The following WSCD1 variants were observed in gnomAD, a reference collection of about 807,000 sequenced individuals.
WSCD1 encodes the protein sialate:O-sulfotransferase 1.
Under a neutral mutation model 60.4 loss-of-function variants are expected in WSCD1, and 41 were observed. That is an observed-to-expected ratio of 0.68 (90% confidence interval 0.53 to 0.88). WSCD1 has a LOEUF of 0.88. Among genes scored for constraint, WSCD1 ranks in the 40% least tolerant of loss-of-function variants. The probability of loss-of-function intolerance (pLI) is 0.00; values close to 1 mark genes in which losing one functional copy is unlikely to be tolerated. For synonymous variants in WSCD1, 361 were observed against 332.5 expected, an observed-to-expected ratio of 1.09 and a Z score of -0.93; for missense variants, 784 against 796.2, an observed-to-expected ratio of 0.98 and a Z score of 0.18.
At chr17:6,099,274 T>C (rs1456267101) in intron 5 of WSCD1, among the ~76,000 whole-genome samples, 1 of 152,040 alleles carries the variant, frequency 6.6e-6, no homozygotes, top group African/African-American at 2.4e-5. Flanking sequence ...CCCTGCACTT[T>C]GGGAGGCTGA....
intron 1 of WSCD1, among the ~76,000 whole-genome samples, chr17:6,074,154 A>C (rs1009247498): frequency 1.3e-5 from 2 of 152,098 alleles, no homozygotes; most frequent in Non-Finnish European, 2.9e-5. Context: ...TGGAGTTTTG[A>C]CCTATTATGT....
chr17:6,096,977 T>C (rs1043930495), intron 5 of WSCD1, among the ~76,000 whole-genome samples: 2 of 152,182 alleles, frequency 1.3e-5, no homozygotes, highest in African/African-American at 2.4e-5. Context: ...TAGCTCCCAA[T>C]GGGGGATACT....
intron 4 of WSCD1, among the ~76,000 whole-genome samples, chr17:6,091,997 A>T (rs991461723): frequency 3.6e-4 from 54 of 152,110 alleles, no homozygotes; most frequent in African/African-American, 1.1e-3. Flanking sequence ...TCTACTAAAA[A>T]TACAAAATTT....
rs1909964674 is a variant in WSCD1 at position 6,090,513 on chromosome 17, T to TGCCA, written c.727+12_727+15dup. On this transcript the variant is annotated intron_variant, in intron 4 of 8. Coordinates refer to ENST00000317744, the MANE Select transcript of WSCD1 (RefSeq NM_015253.2). ...AGCCGGGCTCCAGGAAGCGTGAGTG[T>TGCCA]GCCAGCCTCTTCCTGAGCTTTGTCC... 1.2e-6 allele frequency: 2 copies of TGCCA among 1,611,848 alleles called. No individual in the cohort carries two copies. Among genetic ancestry groups the TGCCA allele is most frequent in the East Asian group, 4.5e-5 (2 of 44,696 alleles).
rs747930607 is a variant in WSCD1, at chr17:6,080,961, G to T, written c.303G>T (p.Trp101Cys). 2.6e-6 allele frequency: 4 copies of T among 1,556,532 alleles called. No individual in the cohort carries two copies. Among genetic ancestry groups the T allele is most frequent in the South Asian group, 1.2e-5 (1 of 85,084 alleles). ...CCCGGCCCCGGCCCGGCCCCCGCTG[G>T]CTCCGGAGCCGCAACTCGGAGCTGC... ...PLTRPRPGPR[W>C]LRSRNSELRQ... is the part of the protein sequence containing the mutation. Residue 101 changes from tryptophan to cysteine, a missense_variant, in exon 2 of 9, where the codon TGG (tryptophan) becomes TGT (cysteine). Coordinates refer to ENST00000317744, the MANE Select transcript of WSCD1 (RefSeq NM_015253.2). This position sits in a 1 kb window ranked among gnomAD's most constrained non-coding sequence, Gnocchi z 6.6.
At chr17:6,092,510 C>T (rs148176612) in intron 4 of WSCD1, among the ~76,000 whole-genome samples, 534 of 152,242 alleles carry the variant, frequency 3.5e-3, no homozygotes, top group African/African-American at 0.012. Flanking sequence ...AGTGTCTCAC[C>T]GACACCTACT....
In WSCD1 at chr17:6,120,558, C is replaced by A. The variant is rs1200609689; in HGVS notation, c.1625C>A (p.Thr542Asn). 2 of 1,613,806 alleles carry A rather than the reference C, an allele frequency of 1.2e-6. No homozygotes were observed. Among genetic ancestry groups the A allele is most frequent in the South Asian group, 2.2e-5 (2 of 91,086 alleles). ...GRRSHDPEPF[T>N]PEMKDLINGY... ...CGCTCCCACGACCCTGAGCCCTTCA[C>A]CCCGGAGATGAAAGACTTGATCAAT... Residue 542 changes from threonine (T) to asparagine (N), a missense_variant, in exon 9 of 9, where the codon ACC becomes AAC. Coordinates refer to ENST00000317744, the MANE Select transcript of WSCD1 (RefSeq NM_015253.2).
intron 7 of WSCD1, among the ~76,000 whole-genome samples, chr17:6,116,175 C>T (rs930511202): frequency 6.6e-6 from 1 of 152,176 alleles, no homozygotes; most frequent in Non-Finnish European, 1.5e-5. Flanking sequence ...ACCCACTGTG[C>T]CCAGGCTGCA....
At chr17:6,108,152 A>T (rs1428692974) in intron 5 of WSCD1, among the ~76,000 whole-genome samples, 2 of 152,196 alleles carry the variant, frequency 1.3e-5, no homozygotes, top group Non-Finnish European at 2.9e-5. Context: ...CCAATGCCCC[A>T]GGCCCTGCGT....
rs1909250906 is a variant in WSCD1 at position 6,081,205 on chromosome 17, TCTG to T, written c.427+123_427+125del. The T allele has an allele frequency of 1.2e-5, 15 of 1,243,514 alleles. No individual in the cohort carries two copies. The South Asian group carries it at 2.4e-4, about 20-fold the overall frequency. The allele number at this position is 1,243,514 out of a possible 1,614,324, so 77.0% of individuals were successfully genotyped here. A position where few individuals can be genotyped will look rare whatever the true frequency, so the allele number is the denominator to read the frequency against. The stretch of plus-strand genomic sequence containing the variant: ...CTTCACCGCTAGATGGTTCTTTCCT[TCTG>T]CTCTGCAGGACAGGAAGGGGCCTGC... On this transcript the variant is annotated intron_variant, in intron 2 of 8. Transcript: ENST00000317744.
At chr17:6,117,906 C>A in intron 7 of WSCD1, 82 bp from the exon 8 acceptor site, 2 of 1,458,062 alleles carry the variant, frequency 1.4e-6, no homozygotes, top group Admixed American at 1.7e-5. Context: ...CTGATGCCAG[C>A]TTTACCCAAT....
rs1274247394 is a variant in WSCD1, at chr17:6,095,106, G to A, written c.732G>A (p.Arg244=). Residue 244 remains arginine, a synonymous_variant, in exon 5 of 9, where the codon CGG becomes CGA. Coordinates refer to ENST00000317744, the MANE Select transcript of WSCD1 (RefSeq NM_015253.2). The part of the protein sequence containing the change: ...DELQPGSRKR[R]TATYRGCFRL... ...AACCCCTCTCTTTTCCCCCAGGGCG[G>A]ACCGCCACCTACCGCGGATGCTTCC... is the stretch of plus-strand genomic sequence containing the variant. The A allele has an allele frequency of 3.7e-6, 6 of 1,610,646 alleles. No homozygotes were observed. The highest frequency in any genetic ancestry group is 5.1e-6 in the Non-Finnish European group (6 of 1,178,516).
chr17:6,069,578 TATG>T (rs1473651045), upstream of WSCD1, among the ~76,000 whole-genome samples: 3 of 152,034 alleles, frequency 2.0e-5, no homozygotes, highest in Non-Finnish European at 2.9e-5. Context: ...TGTGGAGCAG[TATG>T]ATAAGCCGGC....
At chr17:6,095,509 A>G (rs1042213325) in intron 5 of WSCD1, among the ~76,000 whole-genome samples, 1 of 152,226 alleles carries the variant, frequency 6.6e-6, no homozygotes, top group Non-Finnish European at 1.5e-5. Context: ...CAAGTGTCAG[A>G]TGTTAAATTG....
chr17:6,069,433 GAGA>G (rs1908389518), upstream of WSCD1: 62 of 92,050 alleles, frequency 6.7e-4, no homozygotes, highest in African/African-American at 4.2e-3. Flanking sequence ...GTGTGTGAGA[GAGA>G]GAGAGAGAGA....
chr17:6,084,259 G>T (rs1412446260), intron 2 of WSCD1, among the ~76,000 whole-genome samples: 1 of 152,226 alleles, frequency 6.6e-6, no homozygotes, highest in African/African-American at 2.4e-5. Flanking sequence ...GCTCTCCTTT[G>T]AACAGCAAAA....
At position 6,111,014 on chromosome 17, in the gene WSCD1, G is replaced by A. The variant is rs1677472520; in HGVS notation, c.1174+79G>A. 2.0e-6 allele frequency: 3 copies of A among 1,507,422 alleles called. No individual in the cohort carries two copies. In the African/African-American group the frequency reaches 4.2e-5, roughly 21 times the overall value. 93.4% of individuals were successfully genotyped at this position (1,507,422 alleles called of 1,614,324 possible). ...CACCTTGCCAGCCAAGCTTCTCAGA[G>A]CACTAGAGCAGTGCATCTCAAACTT... On this transcript the variant is annotated intron_variant, in intron 7 of 8. Coordinates refer to ENST00000317744, the MANE Select transcript of WSCD1 (RefSeq NM_015253.2).
chr17:6,106,582 A>G (rs1280206395), intron 5 of WSCD1, among the ~76,000 whole-genome samples: 1 of 152,202 alleles, frequency 6.6e-6, no homozygotes, highest in Non-Finnish European at 1.5e-5. Context: ...TAGAAATCTG[A>G]AAGGTGGTTG....
At chr17:6,091,377 A>G (rs910968229) in intron 4 of WSCD1, among the ~76,000 whole-genome samples, 1 of 152,140 alleles carries the variant, frequency 6.6e-6, no homozygotes, top group Non-Finnish European at 1.5e-5. Context: ...CACAGTGGAG[A>G]GAGTTAGAGA....
Sources: gnomAD v4.1 joint callset for allele counts (sites outside exome capture counted in the v4.1 genomes callset) on GRCh38, gnomAD v4.1.1 for gene constraint, Gnocchi (gnomAD v3.1) non-coding constraint, MANE v1.5 for transcripts, NCBI Gene and HGNC (gene_info 2026-07-23, HGNC 2026-07-21) for gene names.